Variants in L3HYPDH observed in about 807,000 individuals in gnomAD.
The protein encoded by L3HYPDH is trans-3-hydroxy-L-proline dehydratase.
L3HYPDH carries 32 observed loss-of-function variants against 26.5 expected under a neutral mutation model. The observed-to-expected ratio is 1.21, with a 90% confidence interval of 0.91 to 1.62. L3HYPDH has a LOEUF of 1.62. Ranked by LOEUF, L3HYPDH falls within the 40% of genes most tolerant of loss-of-function variation. L3HYPDH has a pLI of 0.00. For missense variants in L3HYPDH, 554 were observed against 476.4 expected, an observed-to-expected ratio of 1.16 and a Z score of -1.52; for synonymous variants, 215 against 196.6, an observed-to-expected ratio of 1.09 and a Z score of -0.78.
chr14:59,471,840 A>AT (rs55778019), downstream of L3HYPDH, among the ~76,000 whole-genome samples: 18,089 of 151,966 alleles, frequency 0.12, 1,492 homozygotes, highest in South Asian at 0.26. Flanking sequence ...TAGTGATGTC[A>AT]TTTTTTTTGA....
chr14:59,483,648 A>C (rs1449732389), intron 1 of L3HYPDH, 161 bp downstream of exon 1: 2 of 1,441,700 alleles, frequency 1.4e-6, no homozygotes, highest in East Asian at 5.0e-5. Context: ...CCAAATACGC[A>C]AGGCTGCTGA....
chr14:59,481,766 A>G (rs761737515), intron 1 of L3HYPDH, among the ~76,000 whole-genome samples: 20 of 152,206 alleles, frequency 1.3e-4, no homozygotes, highest in Middle Eastern at 3.2e-3. Context: ...TTAAACTACA[A>G]AAAATTTTAA....
upstream of L3HYPDH, chr14:59,487,467 G>T (rs959483659): frequency 2.0e-5 from 8 of 406,858 alleles, no homozygotes; most frequent in African/African-American, 1.4e-4. Context: ...CTTAGTAAAA[G>T]GAATCTTCTA....
the L3HYPDH span, among the ~76,000 whole-genome samples, chr14:59,490,917 GGA>G: frequency 6.6e-6 from 1 of 152,178 alleles, no homozygotes; most frequent in Non-Finnish European, 1.5e-5. Context: ...ATGTTTTGAG[GGA>G]GAGACTTGAA....
At chr14:59,492,534 G>T in the L3HYPDH span, among the ~76,000 whole-genome samples, 1 of 152,092 alleles carries the variant, frequency 6.6e-6, no homozygotes, top group Non-Finnish European at 1.5e-5. Flanking sequence ...CCAAACCATG[G>T]TATCCCCATC....
chr14:59,486,530 ACTGT>A (rs1483385466), upstream of L3HYPDH, among the ~76,000 whole-genome samples: 34 of 152,380 alleles, frequency 2.2e-4, no homozygotes, highest in African/African-American at 6.5e-4. Flanking sequence ...TTCCAGGATA[ACTGT>A]CTGCAGTGTC....
the L3HYPDH span, among the ~76,000 whole-genome samples, chr14:59,496,009 T>G: frequency 6.6e-6 from 1 of 152,230 alleles, no homozygotes; most frequent in African/African-American, 2.4e-5. Flanking sequence ...GTTCAAGTGA[T>G]TCTTGTGCCT....
At chr14:59,490,523 G>T in the L3HYPDH span, among the ~76,000 whole-genome samples, 1 of 152,182 alleles carries the variant, frequency 6.6e-6, no homozygotes, top group Non-Finnish European at 1.5e-5. Flanking sequence ...TAGATTAGAG[G>T]TGAGATATTT....
At chr14:59,478,261 T>C (rs1234424893) in intron 2 of L3HYPDH, among the ~76,000 whole-genome samples, 1 of 152,192 alleles carries the variant, frequency 6.6e-6, no homozygotes, top group Non-Finnish European at 1.5e-5. Flanking sequence ...TTAGTATGTA[T>C]GTATTATTAA....
At chr14:59,470,637 C>T (rs1474979953), downstream of L3HYPDH, among the ~76,000 whole-genome samples, 1 of 152,092 alleles carries the variant, frequency 6.6e-6, no homozygotes, top group African/African-American at 2.4e-5. Flanking sequence ...CTAAAATGGA[C>T]CACACCTACC....
At chr14:59,465,673 G>C (rs372885252) in intron 1 of L3HYPDH, among the ~76,000 whole-genome samples, 1 of 152,216 alleles carries the variant, frequency 6.6e-6, no homozygotes. Flanking sequence ...GGAGTGGTGG[G>C]GGGGGCACTC....
chr14:59,486,867 A>C, upstream of L3HYPDH: 1 of 1,126,228 alleles, frequency 8.9e-7, no homozygotes, highest in Non-Finnish European at 1.3e-6. Context: ...AAATATTTTC[A>C]CATACAACAT....
At chr14:59,467,321 A>C (rs1384435643) in intron 1 of L3HYPDH, among the ~76,000 whole-genome samples, 1 of 152,248 alleles carries the variant, frequency 6.6e-6, no homozygotes, top group Non-Finnish European at 1.5e-5. Flanking sequence ...GGAGTGAAGA[A>C]GGAAATAAAT....
upstream of L3HYPDH, chr14:59,484,813 T>C: frequency 1.1e-6 from 1 of 927,866 alleles, no homozygotes; most frequent in Non-Finnish European, 1.6e-6. Flanking sequence ...TGCGGCGAAA[T>C]GCCAGGTCTT....
upstream of L3HYPDH, among the ~76,000 whole-genome samples, chr14:59,486,330 C>G (rs142176652): frequency 2.3e-3 from 357 of 152,284 alleles, no homozygotes; most frequent in Non-Finnish European, 4.0e-3. Flanking sequence ...AATGTCCTGA[C>G]TGGGCAAAAT....
rs1253104 is a variant in L3HYPDH at position 59,484,374 on chromosome 14, C to T, written c.-58G>A. ...CAGCTATGGCTTCAAGCCCGACCCTCACCCACTGACTCCGCGGGAGGAGGG... is the reference window on the plus strand; with the variant it reads ...CAGCTATGGCTTCAAGCCCGACCCTTACCCACTGACTCCGCGGGAGGAGGG... On this transcript the variant is annotated 5_prime_UTR_variant, in exon 1 of 5. Transcript: ENST00000247194. The T allele has an allele frequency of 4.2e-3, 6,303 of 1,504,274 alleles. 203 individuals are homozygous for T. In the African/African-American group the frequency reaches 0.076, roughly 18 times the overall value. 93.2% of individuals were successfully genotyped at this position (1,504,274 alleles called of 1,614,324 possible).
chr14:59,500,943 G>A, the L3HYPDH span: 2 of 403,226 alleles, frequency 5.0e-6, no homozygotes, highest in Admixed American at 8.7e-5. Context: ...ATTCTCTATG[G>A]CTGCTTTCCC....
intron 1 of L3HYPDH, among the ~76,000 whole-genome samples, chr14:59,482,241 G>A (rs898202347): frequency 6.6e-5 from 10 of 152,156 alleles, no homozygotes; most frequent in Admixed American, 2.0e-4. Flanking sequence ...ATGGGGAGAG[G>A]TGGGGCAGTG....
At chr14:59,484,714 T>C, upstream of L3HYPDH, 1 of 1,269,342 alleles carries the variant, frequency 7.9e-7, no homozygotes. Context: ...GCTCGCCCCT[T>C]GACCCCGCCC....
Sources: gnomAD v4.1 joint callset for allele counts (sites outside exome capture counted in the v4.1 genomes callset) on GRCh38, gnomAD v4.1.1 for gene constraint, MANE v1.5 for transcripts, NCBI Gene and HGNC (gene_info 2026-07-23, HGNC 2026-07-21) for gene names.